The following PPM1H variants were observed in gnomAD, a reference collection of about 807,000 sequenced individuals.
PPM1H encodes protein phosphatase, Mg2+/Mn2+ dependent 1H.
In PPM1H, 27 loss-of-function variants were observed where a neutral mutation model predicts 54.9. The observed-to-expected ratio is 0.49, with a 90% CI of 0.36 to 0.68. The LOEUF is 0.68. PPM1H is among the 30% of genes least tolerant of loss of function. The pLI, the probability that PPM1H is intolerant of heterozygous loss-of-function variation, is 0.00. For missense variants in PPM1H, 596 were observed against 667.8 expected (o/e 0.89, Z 1.19); for synonymous variants, 305 against 270.8 (o/e 1.13, Z -1.24).
At chr12:62,657,711 T>G (rs1304739923) in intron 9 of PPM1H, among the ~76,000 whole-genome samples, 1 of 152,192 alleles carries the variant, frequency 6.6e-6, no homozygotes, top group Admixed American at 6.5e-5. Context: ...CATGGAAAGG[T>G]TTCATAAAAA....
intron 3 of PPM1H, among the ~76,000 whole-genome samples, chr12:62,795,819 G>A (rs986943274): frequency 2.8e-4 from 43 of 151,240 alleles, no homozygotes; most frequent in African/African-American, 8.0e-4. Context: ...CTCTGCCTCC[G>A]GAATTCAAAT....
chr12:62,824,948 A>G (rs1252334838), intron 2 of PPM1H, among the ~76,000 whole-genome samples: 1 of 152,212 alleles, frequency 6.6e-6, no homozygotes. Context: ...AGAAACTACC[A>G]TCAGAGTGAA....
At chr12:62,671,883 G>A (rs2075958666) in intron 8 of PPM1H, among the ~76,000 whole-genome samples, 1 of 152,186 alleles carries the variant, frequency 6.6e-6, no homozygotes, top group Non-Finnish European at 1.5e-5. Context: ...GTCCTCTGCA[G>A]GCACAATCCT....
rs558870462 is a variant in PPM1H at position 62,652,587 on chromosome 12, G to C, written c.1398-3951C>G. ...CTTCTTTCCTTCTTTCTTGTTTTCT[G>C]TCAGGTGGATAGCTTTAATATTCCC... On this transcript the variant is annotated intron_variant, in intron 9 of 9. Coordinates refer to ENST00000228705, the MANE Select transcript of PPM1H (RefSeq NM_020700.2). Among the ~76,000 whole-genome samples the C allele has an allele frequency of 2.0e-5, 3 of 152,092 alleles. No homozygotes were observed. In the East Asian group the frequency reaches 5.8e-4, roughly 29 times the overall value.
chr12:62,827,433 T>A (rs1428687150), intron 2 of PPM1H, among the ~76,000 whole-genome samples: 1 of 152,150 alleles, frequency 6.6e-6, no homozygotes, highest in Non-Finnish European at 1.5e-5. Context: ...GCCTCCTAAC[T>A]AGCATCCCAG....
chr12:62,650,824 T>A (rs1032072490), intron 9 of PPM1H, among the ~76,000 whole-genome samples: 2 of 152,124 alleles, frequency 1.3e-5, no homozygotes, highest in Non-Finnish European at 1.5e-5. Context: ...TCGGTCCCCA[T>A]GATCTAATTG....
intron 7 of PPM1H, among the ~76,000 whole-genome samples, chr12:62,693,662 T>C (rs2076096145): frequency 6.6e-6 from 1 of 152,226 alleles, no homozygotes; most frequent in Non-Finnish European, 1.5e-5. Context: ...GTTTAAACAC[T>C]GTAAAAAGTT....
chr12:62,887,521 A>T (rs1251496285), intron 1 of PPM1H, among the ~76,000 whole-genome samples: 2 of 152,188 alleles, frequency 1.3e-5, no homozygotes, highest in East Asian at 3.8e-4. Flanking sequence ...TATTCACTTG[A>T]CATATTTATT....
chr12:62,883,484 C>G (rs138577057), intron 1 of PPM1H, among the ~76,000 whole-genome samples: 1 of 152,252 alleles, frequency 6.6e-6, no homozygotes, highest in East Asian at 1.9e-4. Flanking sequence ...AACCTCAAAG[C>G]AGGGCATGAA....
chr12:62,728,314 C>T (rs543650342), intron 5 of PPM1H, among the ~76,000 whole-genome samples: 9 of 152,260 alleles, frequency 5.9e-5, no homozygotes, highest in Admixed American at 5.9e-4. Flanking sequence ...TATATCTGGC[C>T]AGGAACAAGG....
chr12:62,919,853 A>G (rs372854480), intron 1 of PPM1H, among the ~76,000 whole-genome samples: 8 of 152,176 alleles, frequency 5.3e-5, no homozygotes, highest in East Asian at 1.9e-4. Flanking sequence ...GTGGCCAGGT[A>G]GTCTCTGTCA....
At chr12:62,925,602 C>T (rs2121179063) in intron 1 of PPM1H, among the ~76,000 whole-genome samples, 1 of 152,274 alleles carries the variant, frequency 6.6e-6, no homozygotes, top group South Asian at 2.1e-4. Context: ...GAACAAACAA[C>T]AATGAGCAGA....
intron 1 of PPM1H, among the ~76,000 whole-genome samples, chr12:62,930,350 A>G (rs1161827083): frequency 6.6e-6 from 1 of 152,224 alleles, no homozygotes; most frequent in Non-Finnish European, 1.5e-5. Context: ...AGGAAAAAAA[A>G]TTTATAGTTA....
chr12:62,848,504 T>C (rs1216411211), intron 1 of PPM1H, among the ~76,000 whole-genome samples: 2 of 152,222 alleles, frequency 1.3e-5, no homozygotes, highest in Non-Finnish European at 2.9e-5. Flanking sequence ...CAGATTTTCA[T>C]GTGCCTATGA....
intron 8 of PPM1H, among the ~76,000 whole-genome samples, chr12:62,671,178 C>A (rs1271415810): frequency 3.9e-5 from 6 of 152,064 alleles, no homozygotes; most frequent in Admixed American, 3.3e-4. Flanking sequence ...TTCCTGGAAG[C>A]CTCACATCAA....
rs373314896 is a variant in PPM1H at position 62,934,713 on chromosome 12, G to A, written c.24C>T (p.Ala8=). Residue 8 remains alanine (A), a synonymous_variant, in exon 1 of 10, where the codon GCC becomes GCT. Coordinates refer to ENST00000228705, the MANE Select transcript of PPM1H (RefSeq NM_020700.2). The surrounding 1 kb of genome is among the most constrained non-coding windows in gnomAD (Gnocchi z 4.2). ...TGATGCCGCCCATGAAATTGGCCAC[G>A]GCAGATTTCACTCGAGTGAGCATAT... MLTRVKS[A]VANFMGGIMA... 1.3e-4 allele frequency: 215 copies of A among 1,604,812 alleles called. 1 individual carries two copies. Among genetic ancestry groups the A allele is most frequent in the Admixed American group, 8.4e-5 (5 of 59,588 alleles).
At chr12:62,656,714 C>G (rs551496014) in intron 9 of PPM1H, among the ~76,000 whole-genome samples, 106 of 152,214 alleles carry the variant, frequency 7.0e-4, no homozygotes, top group African/African-American at 2.5e-3. Context: ...TGCTGACACC[C>G]GCAGTAATAC....
At chr12:62,789,201 G>T in intron 3 of PPM1H, among the ~76,000 whole-genome samples, 1 of 152,058 alleles carries the variant, frequency 6.6e-6, no homozygotes. Flanking sequence ...TTTTTGTGGG[G>T]ACAGGGTCTC....
intron 4 of PPM1H, among the ~76,000 whole-genome samples, chr12:62,771,221 G>A (rs924680382): frequency 3.4e-5 from 5 of 149,190 alleles, no homozygotes; most frequent in Non-Finnish European, 7.4e-5. Context: ...CACAAAATTC[G>A]AGAGCTGGAA....
Sources: allele counts gnomAD v4.1 joint callset (sites outside exome capture counted in the v4.1 genomes callset), GRCh38; gene constraint gnomAD v4.1.1; non-coding constraint Gnocchi (gnomAD v3.1); transcripts MANE v1.5; gene names NCBI Gene and HGNC (gene_info 2026-07-23, HGNC 2026-07-21).